Variants in DCDC1 observed in about 807,000 individuals in gnomAD.
The protein encoded by DCDC1 is doublecortin domain-containing protein 1.
DCDC1 carries 200 observed loss-of-function variants against 178.3 expected under a neutral mutation model. The observed-to-expected ratio is 1.12, with a 90% CI of 1.00 to 1.26. The LOEUF (loss-of-function observed/expected upper bound fraction) is 1.26. Ranked by LOEUF, DCDC1 falls within the 50% of genes most tolerant of loss-of-function variation. DCDC1 has a pLI of 0.00. For synonymous variants in DCDC1, 690 were observed against 604.8 expected (o/e 1.14, Z -2.07); for missense variants, 1,983 against 1,749.2 (o/e 1.13, Z -2.38).
At chr11:31,057,980 G>A (rs1565230394) in intron 20 of DCDC1, among the ~76,000 whole-genome samples, 1 of 152,024 alleles carries the variant, frequency 6.6e-6, no homozygotes, top group Non-Finnish European at 1.5e-5. Flanking sequence ...TCTGTGTGGG[G>A]ACAGCTCTGT....
intron 20 of DCDC1, among the ~76,000 whole-genome samples, chr11:30,998,127 T>A (rs993290869): frequency 6.6e-6 from 1 of 151,852 alleles, no homozygotes; most frequent in Non-Finnish European, 1.5e-5. Flanking sequence ...GACCCCCACC[T>A]CTACAAAAAA....
intron 4 of DCDC1, among the ~76,000 whole-genome samples, chr11:31,306,614 C>CTCATATA (rs1948479482): frequency 6.6e-6 from 1 of 151,766 alleles, no homozygotes. Flanking sequence ...GCCAAAACTG[C>CTCATATA]TCATATAAAA....
At chr11:31,119,680 T>A (rs1197739658) in intron 11 of DCDC1, among the ~76,000 whole-genome samples, 2 of 152,136 alleles carry the variant, frequency 1.3e-5, no homozygotes, top group Non-Finnish European at 2.9e-5. Context: ...AACTTTAAAC[T>A]TTTTTAAAAA....
At chr11:30,990,656 G>C (rs994272308) in intron 20 of DCDC1, among the ~76,000 whole-genome samples, 1 of 152,144 alleles carries the variant, frequency 6.6e-6, no homozygotes, top group Admixed American at 6.6e-5. Flanking sequence ...TTTTTACCTC[G>C]GGTAGTAAGG....
intron 20 of DCDC1, among the ~76,000 whole-genome samples, chr11:31,013,448 A>G (rs1306805410): frequency 2.0e-5 from 3 of 152,182 alleles, no homozygotes; most frequent in Admixed American, 2.0e-4. Context: ...AGTGCTCAGT[A>G]AATGTTGTTA....
chr11:30,916,995 C>T lies in DCDC1; in HGVS notation c.3327G>A (p.Lys1109=). The change falls in exon 26 of 39, where the codon AAG becomes AAA. Residue 1109 remains lysine (K), a synonymous_variant. Coordinates refer to ENST00000684477, the MANE Select transcript of DCDC1 (RefSeq NM_001387274.1). ...CATACCTGGGAAGTGTGTGACAAGC[C>T]TTCATTCGAAGATGAGCTCTTACGT... The part of the protein sequence containing the change: ...DSHVRAHLRM[K]ACHTLPRYAW... The T allele has an allele frequency of 6.2e-7, 1 of 1,609,072 alleles. No homozygotes were observed. The highest frequency in any genetic ancestry group is 8.5e-7 in the Non-Finnish European group (1 of 1,177,774).
chr11:31,302,637 T>C (rs1948190490), intron 6 of DCDC1, among the ~76,000 whole-genome samples: 1 of 152,188 alleles, frequency 6.6e-6, no homozygotes, highest in Admixed American at 6.6e-5. Flanking sequence ...AAGGAATGCT[T>C]CATGTCAGTC....
intron 7 of DCDC1, among the ~76,000 whole-genome samples, chr11:31,285,729 C>A (rs998017628): frequency 1.3e-5 from 2 of 151,910 alleles, no homozygotes; most frequent in Non-Finnish European, 2.9e-5. Flanking sequence ...ACCTTGACAT[C>A]CATATAGGAG....
intron 8 of DCDC1, among the ~76,000 whole-genome samples, chr11:31,242,531 A>C (rs1278035509): frequency 6.6e-6 from 1 of 151,974 alleles, no homozygotes; most frequent in Non-Finnish European, 1.5e-5. Flanking sequence ...TATACATGTG[A>C]CACAAACTTA....
intron 9 of DCDC1, among the ~76,000 whole-genome samples, chr11:31,146,737 T>A (rs536952267): frequency 8.6e-4 from 131 of 152,150 alleles, no homozygotes; most frequent in Non-Finnish European, 1.7e-3. Flanking sequence ...AAACTCCTTC[T>A]AACGTCCGGC....
intron 20 of DCDC1, among the ~76,000 whole-genome samples, chr11:30,976,506 T>C (rs1254403943): frequency 6.7e-6 from 1 of 149,548 alleles, no homozygotes; most frequent in Non-Finnish European, 1.5e-5. Context: ...AATAATTCCA[T>C]GAAAAAGTGG....
chr11:31,246,754 T>C (rs1315531477), intron 8 of DCDC1, among the ~76,000 whole-genome samples: 3 of 152,102 alleles, frequency 2.0e-5, no homozygotes, highest in African/African-American at 7.2e-5. Flanking sequence ...GCTTGATTTA[T>C]ATCAGTGTAT....
At chr11:31,214,841 G>T (rs963453638) in intron 9 of DCDC1, among the ~76,000 whole-genome samples, 8 of 151,692 alleles carry the variant, frequency 5.3e-5, no homozygotes, top group Non-Finnish European at 1.2e-4. Flanking sequence ...TTAATTTAGG[G>T]TAATTTATGC....
intron 13 of DCDC1, among the ~76,000 whole-genome samples, chr11:31,104,726 G>A (rs1958739615): frequency 6.6e-6 from 1 of 151,990 alleles, no homozygotes; most frequent in African/African-American, 2.4e-5. Context: ...GTGACCTGAA[G>A]CATTTAGGAG....
intron 36 of DCDC1, among the ~76,000 whole-genome samples, chr11:30,889,504 T>C (rs1943588004): frequency 6.6e-6 from 1 of 152,094 alleles, no homozygotes; most frequent in African/African-American, 2.4e-5. Flanking sequence ...TTCTTTGGAG[T>C]CACTGTCATT....
At chr11:31,149,104 T>C (rs867560355) in intron 9 of DCDC1, among the ~76,000 whole-genome samples, 12 of 152,368 alleles carry the variant, frequency 7.9e-5, no homozygotes, top group African/African-American at 2.9e-4. Context: ...TAGTATTTTA[T>C]GGTGTATATA....
intron 23 of DCDC1, among the ~76,000 whole-genome samples, chr11:30,924,645 A>G (rs1320987002): frequency 2.6e-5 from 4 of 152,140 alleles, no homozygotes; most frequent in Admixed American, 2.6e-4. Context: ...AAACAACTAC[A>G]TTTTGAAGGT....
chr11:31,337,981 A>C (rs865831499), intron 1 of DCDC1, among the ~76,000 whole-genome samples: 1 of 152,182 alleles, frequency 6.6e-6, no homozygotes, highest in Admixed American at 6.5e-5. Context: ...TCTCATGCCC[A>C]CATTTGTATC....
At chr11:30,894,104 C>T in intron 35 of DCDC1, 144 bp downstream of exon 35, 1 of 1,161,934 alleles carries the variant, frequency 8.6e-7, no homozygotes, top group Non-Finnish European at 1.1e-6. Context: ...AATGCCAACT[C>T]AATGCTTGGC....
Sources: gnomAD v4.1 joint callset for allele counts (sites outside exome capture counted in the v4.1 genomes callset) on GRCh38, gnomAD v4.1.1 for gene constraint, MANE v1.5 for transcripts, NCBI Gene and HGNC (gene_info 2026-07-23, HGNC 2026-07-21) for gene names.